The following SMYD4 variants were observed in gnomAD, a reference collection of about 807,000 sequenced individuals.
SMYD4 encodes protein-lysine N-methyltransferase SMYD4.
SMYD4 carries 68 observed loss-of-function variants against 72.8 expected under a neutral mutation model. That is an observed-to-expected ratio of 0.93 (90% CI 0.77 to 1.14). SMYD4 has a LOEUF of 1.14. SMYD4 is among the 50% of genes most tolerant of loss of function. The probability of loss-of-function intolerance (pLI) is 0.00; values close to 1 mark genes in which losing one functional copy is unlikely to be tolerated. For synonymous variants in SMYD4, 407 were observed against 388.6 expected, an observed-to-expected ratio of 1.05 and a Z score of -0.56; for missense variants, 984 against 1,003.7, an observed-to-expected ratio of 0.98 and a Z score of 0.27.
intron 1 of SMYD4, among the ~76,000 whole-genome samples, chr17:1,828,814 C>T (rs1306626669): frequency 9.2e-5 from 14 of 152,096 alleles, no homozygotes; most frequent in Admixed American, 9.2e-4. Context: ...CCAGGCTGGT[C>T]TCGAACTCCT....
chr17:1,783,922 C>T (rs1410309695), intron 8 of SMYD4: 2 of 289,272 alleles, frequency 6.9e-6, no homozygotes, highest in African/African-American at 2.2e-5. Context: ...GGGCTCACGC[C>T]CCACTGCTCT....
chr17:1,792,573 C>T (rs1196241809), intron 5 of SMYD4, among the ~76,000 whole-genome samples: 3 of 151,526 alleles, frequency 2.0e-5, no homozygotes, highest in Non-Finnish European at 3.0e-5. Flanking sequence ...CCCTGGAGGT[C>T]GAGGCTTCAG....
intron 2 of SMYD4, among the ~76,000 whole-genome samples, chr17:1,823,141 C>A (rs940347240): frequency 5.4e-5 from 8 of 149,470 alleles, no homozygotes; most frequent in Non-Finnish European, 1.0e-4. Context: ...GAGGCTGAGG[C>A]GGGTGGATCA....
intron 5 of SMYD4, among the ~76,000 whole-genome samples, chr17:1,792,700 T>G (rs1338744832): frequency 1.3e-5 from 2 of 152,080 alleles, no homozygotes; most frequent in Non-Finnish European, 2.9e-5. Flanking sequence ...AACAAAGGTA[T>G]CTGGTTTTAA....
intron 2 of SMYD4, among the ~76,000 whole-genome samples, chr17:1,823,214 C>CAA (rs57867059): frequency 5.2e-5 from 7 of 135,808 alleles, no homozygotes; most frequent in African/African-American, 1.9e-4. Context: ...ACTAAAAATA[C>CAA]AAAAAAAAAA....
intron 2 of SMYD4, among the ~76,000 whole-genome samples, chr17:1,813,021 C>T (rs540585696): frequency 6.6e-6 from 1 of 152,074 alleles, no homozygotes; most frequent in African/African-American, 2.4e-5. Flanking sequence ...TCACTGCAAA[C>T]TCTGTCTCCT....
At chr17:1,819,765 TAC>T (rs1567787995) in intron 2 of SMYD4, among the ~76,000 whole-genome samples, 1 of 152,276 alleles carries the variant, frequency 6.6e-6, no homozygotes, top group East Asian at 1.9e-4. Flanking sequence ...GAGCAATATT[TAC>T]ACAGACATAA....
intron 10 of SMYD4, 23 bp from the exon 11 acceptor site, chr17:1,781,462 A>G (rs72822451): frequency 3.5e-5 from 57 of 1,608,502 alleles, no homozygotes; most frequent in Non-Finnish European, 4.6e-5. Flanking sequence ...AGGTAAGAGG[A>G]GTTAGTTCAC....
intron 7 of SMYD4, among the ~76,000 whole-genome samples, chr17:1,784,847 C>T (rs138015374): frequency 6.6e-6 from 1 of 151,844 alleles, no homozygotes; most frequent in East Asian, 2.0e-4. Flanking sequence ...TCGGCTCACT[C>T]CAAGCTCCGC....
chr17:1,820,861 G>T (rs1251282630), intron 2 of SMYD4, among the ~76,000 whole-genome samples: 2 of 152,276 alleles, frequency 1.3e-5, no homozygotes, highest in Non-Finnish European at 2.9e-5. Flanking sequence ...ACTTTAAAGG[G>T]CCAGTTCCTA....
chr17:1,823,381 G>A (rs1240091176), intron 2 of SMYD4, among the ~76,000 whole-genome samples: 3 of 122,818 alleles, frequency 2.4e-5, no homozygotes, highest in Non-Finnish European at 3.2e-5. Flanking sequence ...GTGACAGAGC[G>A]AGACTCCGTC....
At chr17:1,794,007 G>GTGTATA (rs1555575665) in intron 5 of SMYD4, among the ~76,000 whole-genome samples, 6 of 81,244 alleles carry the variant, frequency 7.4e-5, no homozygotes, top group African/African-American at 2.7e-4. Context: ...ATATATATAT[G>GTGTATA]TATATATATA....
chr17:1,811,910 C>T (rs1910346120), intron 3 of SMYD4, 61 bp downstream of exon 3: 2 of 1,579,596 alleles, frequency 1.3e-6, no homozygotes, highest in Non-Finnish European at 1.7e-6. Flanking sequence ...CTGGGTAACA[C>T]AGCAAGATTC....
chr17:1,797,585 T>C (rs1909472285), intron 5 of SMYD4, among the ~76,000 whole-genome samples: 1 of 152,222 alleles, frequency 6.6e-6, no homozygotes, highest in African/African-American at 2.4e-5. Flanking sequence ...GGACAGGCAC[T>C]ATGCAGGCTG....
intron 5 of SMYD4, among the ~76,000 whole-genome samples, chr17:1,792,144 A>G (rs953307263): frequency 9.2e-5 from 14 of 151,552 alleles, no homozygotes; most frequent in East Asian, 3.9e-4. Context: ...CTGGGTTCAC[A>G]CCATTCTCCT....
intron 5 of SMYD4, among the ~76,000 whole-genome samples, chr17:1,795,454 T>A (rs1909354304): frequency 6.8e-6 from 1 of 147,998 alleles, no homozygotes; most frequent in South Asian, 2.1e-4. Context: ...TAATCATCTA[T>A]CTATCTATCT....
chr17:1,824,188 C>G (rs1241973698), intron 2 of SMYD4, among the ~76,000 whole-genome samples: 1 of 151,996 alleles, frequency 6.6e-6, no homozygotes, highest in African/African-American at 2.4e-5. Flanking sequence ...ACTAAAAATA[C>G]AAACATTAGC....
At chr17:1,822,191 G>A (rs1270708119) in intron 2 of SMYD4, among the ~76,000 whole-genome samples, 5 of 151,936 alleles carry the variant, frequency 3.3e-5, no homozygotes, top group African/African-American at 1.2e-4. Context: ...CAGAGATCGC[G>A]CCACTGCACT....
chr17:1,815,936 G>C (rs1910570312), intron 2 of SMYD4, among the ~76,000 whole-genome samples: 1 of 151,792 alleles, frequency 6.6e-6, no homozygotes, highest in Non-Finnish European at 1.5e-5. Flanking sequence ...CTGACCTCAG[G>C]TGATCCGCCC....
Sources: gnomAD v4.1 joint callset for allele counts (sites outside exome capture counted in the v4.1 genomes callset) on GRCh38, gnomAD v4.1.1 for gene constraint, MANE v1.5 for transcripts, NCBI Gene and HGNC (gene_info 2026-07-23, HGNC 2026-07-21) for gene names.